Variants in ADAM32 observed in about 807,000 individuals in gnomAD.
ADAM32 encodes disintegrin and metalloproteinase domain-containing protein 32.
Under a neutral mutation model 114.9 loss-of-function variants are expected in ADAM32, and 89 were observed. The observed-to-expected ratio is 0.77, with a 90% CI of 0.65 to 0.92. The LOEUF (loss-of-function observed/expected upper bound fraction) is 0.92. ADAM32 is among the 40% of genes least tolerant of loss of function. The pLI is 0.00. For synonymous variants in ADAM32, 285 were observed against 307.5 expected (o/e 0.93, Z 0.77); for missense variants, 870 against 932.8 (o/e 0.93, Z 0.88).
intron 3 of ADAM32, among the ~76,000 whole-genome samples, chr8:39,143,802 A>G (rs986360990): frequency 2.6e-5 from 4 of 152,302 alleles, no homozygotes; most frequent in Non-Finnish European, 4.4e-5. Context: ...TTGTTCTACT[A>G]TGCCCTGCCC....
intron 1 of ADAM32, among the ~76,000 whole-genome samples, chr8:39,110,799 A>G (rs117714726): frequency 0.013 from 2,006 of 152,284 alleles, 33 homozygotes; most frequent in Middle Eastern, 0.027. Context: ...TGCCAGCTCC[A>G]AACTGCTGAT....
At chr8:39,173,298 CAT>C (rs1317405101) in intron 10 of ADAM32, among the ~76,000 whole-genome samples, 1 of 152,052 alleles carries the variant, frequency 6.6e-6, no homozygotes, top group African/African-American at 2.4e-5. Context: ...ACAAAACAAA[CAT>C]ATTCCTATTT....
chr8:39,197,446 AC>A (rs1197240653), intron 11 of ADAM32, among the ~76,000 whole-genome samples: 2 of 151,868 alleles, frequency 1.3e-5, no homozygotes, highest in African/African-American at 4.8e-5. Flanking sequence ...TTTTTTGATG[AC>A]ATTTATTATC....
intron 16 of ADAM32, among the ~76,000 whole-genome samples, chr8:39,235,001 C>A (rs1030443470): frequency 6.6e-6 from 1 of 152,126 alleles, no homozygotes; most frequent in Non-Finnish European, 1.5e-5. Flanking sequence ...CTCCTTCCCC[C>A]CGCCCCTCTC....
chr8:39,269,879 A>G (rs992604522), intron 19 of ADAM32, among the ~76,000 whole-genome samples: 1 of 152,344 alleles, frequency 6.6e-6, no homozygotes, highest in Admixed American at 6.5e-5. Flanking sequence ...ATTGACTCAC[A>G]GCATGGCTGG....
chr8:39,198,766 T>C (rs987428456), intron 11 of ADAM32, among the ~76,000 whole-genome samples: 1 of 152,170 alleles, frequency 6.6e-6, no homozygotes, highest in African/African-American at 2.4e-5. Context: ...TCCTTTTCTT[T>C]TCTCTTCTCC....
chr8:39,246,225 T>C, intron 17 of ADAM32, 59 bp downstream of exon 17: 1 of 1,509,330 alleles, frequency 6.6e-7, no homozygotes. Flanking sequence ...GCATCACTCA[T>C]TAATTTACTG....
intron 6 of ADAM32, among the ~76,000 whole-genome samples, chr8:39,159,189 T>C (rs930143060): frequency 2.6e-5 from 4 of 152,238 alleles, no homozygotes; most frequent in Admixed American, 6.5e-5. Flanking sequence ...TTGTGGGTTG[T>C]AGTTGTTTGC....
At chr8:39,108,130 A>T (rs543276336) in intron 1 of ADAM32, 49 of 313,540 alleles carry the variant, frequency 1.6e-4, no homozygotes, top group African/African-American at 4.5e-4. Flanking sequence ...AAAAAAATTT[A>T]AAAAAATGTT....
At chr8:39,114,862 C>T (rs1222827574) in intron 1 of ADAM32, among the ~76,000 whole-genome samples, 2 of 152,178 alleles carry the variant, frequency 1.3e-5, no homozygotes, top group East Asian at 3.9e-4. Context: ...TCAGTCCTCT[C>T]CCTCCTCCCA....
rs752389361 is a variant in ADAM32, at chr8:39,165,171, C to A, written c.808C>A (p.Pro270Thr). The change falls in exon 9 of 25, where the codon CCT becomes ACT. Residue 270 changes from proline to threonine, a missense_variant. Transcript: ENST00000379907. The stretch of plus-strand genomic sequence containing the variant: ...GAAACAATCTTATCTTAACCTAAGG[C>A]CTCATGATATTGCATATCTACTAAT... Reference protein sequence around the residue: ...EWKQSYLNLRPHDIAYLLIYM... With the variant: ...EWKQSYLNLRTHDIAYLLIYM... 4 of 1,579,066 alleles carry A rather than the reference C, an allele frequency of 2.5e-6. No individual in the cohort carries two copies. The South Asian group carries it at 4.6e-5, about 18-fold the overall frequency.
At chr8:39,155,023 A>T (rs920340783) in intron 6 of ADAM32, among the ~76,000 whole-genome samples, 1 of 152,148 alleles carries the variant, frequency 6.6e-6, no homozygotes, top group Non-Finnish European at 1.5e-5. Context: ...ATAAAATTCA[A>T]CACTCCTTCA....
chr8:39,184,303 C>A (rs545782992), intron 10 of ADAM32, among the ~76,000 whole-genome samples: 8 of 152,348 alleles, frequency 5.3e-5, no homozygotes, highest in African/African-American at 1.4e-4. Context: ...CAGTTCCAGG[C>A]ACTTCCTCTT....
At chr8:39,195,641 A>C (rs910033789) in intron 11 of ADAM32, among the ~76,000 whole-genome samples, 6 of 151,788 alleles carry the variant, frequency 4.0e-5, no homozygotes, top group Admixed American at 3.9e-4. Flanking sequence ...ATTCTTCTGC[A>C]TATGGATATC....
intron 10 of ADAM32, among the ~76,000 whole-genome samples, chr8:39,174,746 G>T (rs1031476439): frequency 6.8e-6 from 1 of 146,726 alleles, no homozygotes; most frequent in African/African-American, 2.5e-5. Flanking sequence ...AATGGAAATA[G>T]CATTGAATCA....
intron 3 of ADAM32, among the ~76,000 whole-genome samples, chr8:39,144,363 C>T (rs573451261): frequency 5.9e-5 from 9 of 152,322 alleles, no homozygotes; most frequent in African/African-American, 2.2e-4. Flanking sequence ...GGAAGCAAGC[C>T]TCCCTTTTCC....
intron 17 of ADAM32, among the ~76,000 whole-genome samples, chr8:39,248,051 G>T (rs916801156): frequency 1.3e-5 from 2 of 151,982 alleles, no homozygotes; most frequent in African/African-American, 4.8e-5. Context: ...TGATCCATTT[G>T]ATTATTCTTT....
At chr8:39,266,767 A>G (rs190387171) in intron 19 of ADAM32, among the ~76,000 whole-genome samples, 1 of 152,122 alleles carries the variant, frequency 6.6e-6, no homozygotes, top group East Asian at 1.9e-4. Context: ...GTTCTTTCTC[A>G]TTTGTGTGGG....
At chr8:39,253,604 G>T (rs1382245156) in intron 17 of ADAM32, among the ~76,000 whole-genome samples, 1 of 151,576 alleles carries the variant, frequency 6.6e-6, no homozygotes, top group Admixed American at 6.6e-5. Context: ...TCAAAAATCA[G>T]TTCATTTTTA....
Sources: gnomAD v4.1 joint callset for allele counts (sites outside exome capture counted in the v4.1 genomes callset) on GRCh38, gnomAD v4.1.1 for gene constraint, MANE v1.5 for transcripts, NCBI Gene and HGNC (gene_info 2026-07-23, HGNC 2026-07-21) for gene names.